CRPPA: variants seen among roughly 807,000 people sequenced by gnomAD.
CRPPA encodes the protein CDP-L-ribitol pyrophosphorylase A.
Under a neutral mutation model 52.0 loss-of-function variants are expected in CRPPA, and 43 were observed. The observed-to-expected ratio is 0.83, with a 90% CI of 0.65 to 1.07. The LOEUF is 1.07. CRPPA is among the 50% of genes least tolerant of loss of function. CRPPA has a pLI of 0.00. For missense variants in CRPPA, 629 were observed against 551.7 expected (o/e 1.14, Z -1.40); for synonymous variants, 250 against 203.5 (o/e 1.23, Z -1.94).
chr7:16,150,560 G>T (rs1428747451), intron 9 of CRPPA, among the ~76,000 whole-genome samples: 1 of 152,064 alleles, frequency 6.6e-6, no homozygotes, highest in Non-Finnish European at 1.5e-5. Context: ...GGAAATCCAT[G>T]CTATTTTGCT....
intron 5 of CRPPA, among the ~76,000 whole-genome samples, chr7:16,297,868 A>C (rs1335492025): frequency 6.6e-6 from 1 of 152,152 alleles, no homozygotes; most frequent in Non-Finnish European, 1.5e-5. Context: ...CGTGGGACTT[A>C]GCCTCCATCA....
At chr7:16,177,436 C>G (rs1369243942) in intron 9 of CRPPA, among the ~76,000 whole-genome samples, 1 of 151,990 alleles carries the variant, frequency 6.6e-6, no homozygotes, top group East Asian at 1.9e-4. Flanking sequence ...TTTTGTGAAA[C>G]AGTCACAATC....
intron 8 of CRPPA, among the ~76,000 whole-genome samples, chr7:16,251,605 A>T (rs1216034490): frequency 6.6e-6 from 1 of 152,240 alleles, no homozygotes; most frequent in African/African-American, 2.4e-5. Flanking sequence ...ATGGAAACTG[A>T]ACAACCTACT....
chr7:16,144,998 G>C (rs571247071), intron 9 of CRPPA, among the ~76,000 whole-genome samples: 1 of 152,250 alleles, frequency 6.6e-6, no homozygotes, highest in African/African-American at 2.4e-5. Context: ...AGTAGAACAA[G>C]CCTCCAGGCT....
At chr7:16,297,877 C>A (rs1784707122) in intron 5 of CRPPA, among the ~76,000 whole-genome samples, 2 of 152,210 alleles carry the variant, frequency 1.3e-5, no homozygotes, top group Admixed American at 1.3e-4. Flanking sequence ...TAGCCTCCAT[C>A]ATCACATGAG....
chr7:16,416,986 T>C (rs933040246), intron 1 of CRPPA, among the ~76,000 whole-genome samples: 1 of 152,150 alleles, frequency 6.6e-6, no homozygotes, highest in African/African-American at 2.4e-5. Flanking sequence ...ACATTAAAAA[T>C]GCACAAATGA....
At chr7:16,155,866 A>G (rs1016483763) in intron 9 of CRPPA, among the ~76,000 whole-genome samples, 19 of 152,134 alleles carry the variant, frequency 1.2e-4, no homozygotes, top group African/African-American at 4.6e-4. Flanking sequence ...CAAAAGAAAC[A>G]CAATAATAGA....
At chr7:16,207,891 A>G (rs1305426568) in intron 9 of CRPPA, among the ~76,000 whole-genome samples, 14 of 152,210 alleles carry the variant, frequency 9.2e-5, no homozygotes, top group Non-Finnish European at 1.2e-4. Flanking sequence ...GTAAGTCCAC[A>G]ACATGTTTTC....
At chr7:16,180,378 T>C (rs1232119018) in intron 9 of CRPPA, among the ~76,000 whole-genome samples, 1 of 152,112 alleles carries the variant, frequency 6.6e-6, no homozygotes, top group African/African-American at 2.4e-5. Context: ...CAAAACTTAC[T>C]TGACGGAGTC....
At chr7:16,322,585 T>G (rs1407246465) in intron 3 of CRPPA, among the ~76,000 whole-genome samples, 1 of 152,168 alleles carries the variant, frequency 6.6e-6, no homozygotes, top group Non-Finnish European at 1.5e-5. Flanking sequence ...AGCAGAGAAC[T>G]GGGACTTAAC....
chr7:16,173,259 C>A (rs549412214), intron 9 of CRPPA, among the ~76,000 whole-genome samples: 2 of 152,198 alleles, frequency 1.3e-5, no homozygotes, highest in Non-Finnish European at 2.9e-5. Flanking sequence ...CCATATCTAC[C>A]CCTTCTAGGG....
chr7:16,322,238 G>T (rs1484943469), intron 3 of CRPPA, among the ~76,000 whole-genome samples: 1 of 152,126 alleles, frequency 6.6e-6, no homozygotes, highest in East Asian at 1.9e-4. Context: ...AAAAGCGGAA[G>T]GGAAACCGTT....
At chr7:16,223,391 A>C (rs1782571238) in intron 8 of CRPPA, among the ~76,000 whole-genome samples, 2 of 152,180 alleles carry the variant, frequency 1.3e-5, no homozygotes, top group South Asian at 2.1e-4. Flanking sequence ...AGTATTTACA[A>C]ATTCTTTTCA....
chr7:16,217,775 G>C (rs1295886875), intron 8 of CRPPA, among the ~76,000 whole-genome samples: 2 of 148,850 alleles, frequency 1.3e-5, no homozygotes, highest in Admixed American at 1.3e-4. Flanking sequence ...AAGCCTCCAA[G>C]AAATATGGGA....
chr7:16,204,750 G>C (rs73291434), intron 9 of CRPPA, among the ~76,000 whole-genome samples: 1,619 of 152,274 alleles, frequency 0.011, 40 homozygotes, highest in African/African-American at 0.036. Flanking sequence ...TTAGCACCAA[G>C]TAAAACTGAA....
At chr7:16,416,257 A>T (rs951715810) in intron 1 of CRPPA, among the ~76,000 whole-genome samples, 3 of 152,134 alleles carry the variant, frequency 2.0e-5, no homozygotes, top group African/African-American at 7.2e-5. Flanking sequence ...AAAAATAAGC[A>T]ATTTTTGGGA....
At chr7:16,240,500 T>G (rs552285414) in intron 8 of CRPPA, among the ~76,000 whole-genome samples, 1 of 151,464 alleles carries the variant, frequency 6.6e-6, no homozygotes, top group Non-Finnish European at 1.5e-5. Context: ...ACAGTAGCAA[T>G]AAGGTTGAGA....
At chr7:16,410,791 A>G (rs752564001) in intron 1 of CRPPA, among the ~76,000 whole-genome samples, 59 of 151,646 alleles carry the variant, frequency 3.9e-4, no homozygotes, top group Admixed American at 8.5e-4. Context: ...GCCTCTCAAC[A>G]CTGTCCCCAT....
intron 9 of CRPPA, among the ~76,000 whole-genome samples, chr7:16,190,923 G>T (rs1781596520): frequency 6.6e-6 from 1 of 151,986 alleles, no homozygotes; most frequent in South Asian, 2.1e-4. Context: ...TTCCACCCAG[G>T]TTGCCATGAA....
Sources: allele counts gnomAD v4.1 joint callset (sites outside exome capture counted in the v4.1 genomes callset), GRCh38; gene constraint gnomAD v4.1.1; transcripts MANE v1.5; gene names NCBI Gene and HGNC (gene_info 2026-07-23, HGNC 2026-07-21).